The following CLPTM1L variants were observed in gnomAD, a reference collection of about 807,000 sequenced individuals.
CLPTM1L encodes lipid scramblase CLPTM1L.
In CLPTM1L, 38 loss-of-function variants were observed where a neutral mutation model predicts 70.9. That is an observed-to-expected ratio of 0.54 (90% CI 0.41 to 0.70). CLPTM1L has a LOEUF of 0.70. Among genes scored for constraint, CLPTM1L ranks in the 30% least tolerant of loss-of-function variants. The pLI, the probability that CLPTM1L is intolerant of heterozygous loss-of-function variation, is 0.00. For missense variants in CLPTM1L, 652 were observed against 705.9 expected (o/e 0.92, Z 0.87); for synonymous variants, 339 against 299.9 (o/e 1.13, Z -1.35).
intron 5 of CLPTM1L, among the ~76,000 whole-genome samples, chr5:1,336,347 G>C (rs569253095): frequency 1.3e-5 from 2 of 152,256 alleles, no homozygotes; most frequent in Non-Finnish European, 2.9e-5. Context: ...TGTGATTTGG[G>C]GGAAAAGCTG....
chr5:1,320,071 T>C (rs1228589888), intron 16 of CLPTM1L: 1 of 152,218 alleles, frequency 6.6e-6, no homozygotes, highest in Non-Finnish European at 1.5e-5. Flanking sequence ...TTTAGAAAAT[T>C]CCACAAAGCC....
chr5:1,326,318 CAG>C, intron 9 of CLPTM1L: 5 of 265,926 alleles, frequency 1.9e-5, no homozygotes, highest in East Asian at 1.2e-4. Context: ...TCCTCCTCTA[CAG>C]GGACATTCCA....
chr5:1,332,817 AT>A (rs1242631841), intron 7 of CLPTM1L, among the ~76,000 whole-genome samples: 1 of 152,206 alleles, frequency 6.6e-6, no homozygotes, highest in Non-Finnish European at 1.5e-5. Flanking sequence ...CCATTACATA[AT>A]ACATATATTC....
Position 1,344,723 on chromosome 5 carries a change from G to A in CLPTM1L, c.119C>T (p.Ala40Val), listed in dbSNP as rs1460639604. 13 of 1,594,150 alleles carry A rather than the reference G, an allele frequency of 8.2e-6. No homozygotes were observed. In the South Asian group the frequency reaches 1.1e-4, roughly 14 times the overall value. The change falls in exon 1 of 17, where the codon GCC becomes GTC. Residue 40 changes from alanine to valine, a missense_variant. Ala to Val is a moderately conservative substitution (Grantham distance 64). Transcript: ENST00000320895. ...IVYTRPCSGDANCIQPYLARR... is the reference protein window; with the variant it reads ...IVYTRPCSGDVNCIQPYLARR... ...CGCCAGGTAGGGCTGGATGCAGTTG[G>A]CGTCGCCGGAGCACGGGCGGGTGTA... is the stretch of plus-strand genomic sequence containing the variant.
intron 16 of CLPTM1L, among the ~76,000 whole-genome samples, chr5:1,319,714 A>G (rs1302832385): frequency 6.6e-6 from 1 of 152,004 alleles, no homozygotes; most frequent in Non-Finnish European, 1.5e-5. Flanking sequence ...TGGTCGGGGG[A>G]GGGAGATGGG....
intron 4 of CLPTM1L, 193 bp from the exon 5 acceptor site, chr5:1,338,175 T>A: frequency 1.6e-6 from 1 of 606,624 alleles, no homozygotes; most frequent in Admixed American, 2.7e-5. Context: ...TGCACGCTTG[T>A]GAGACCCGCT....
chr5:1,319,089 G>A (rs985348662), intron 16 of CLPTM1L, among the ~76,000 whole-genome samples: 23 of 152,268 alleles, frequency 1.5e-4, no homozygotes, highest in African/African-American at 5.1e-4. Flanking sequence ...TTTCAGGCAC[G>A]CCCCGGGCCA....
chr5:1,334,230 G>T (rs1305784812), intron 7 of CLPTM1L, 59 bp downstream of exon 7: 1 of 1,279,078 alleles, frequency 7.8e-7, no homozygotes, highest in Non-Finnish European at 1.1e-6. Flanking sequence ...CCTGCAGGAG[G>T]CCCGGGGCCC....
intron 3 of CLPTM1L, 32 bp from the exon 4 acceptor site, chr5:1,339,037 G>A (rs1412193217): frequency 1.9e-6 from 3 of 1,603,514 alleles, no homozygotes; most frequent in Non-Finnish European, 8.5e-7. Context: ...GGCCAATGCT[G>A]GGACAGAAAA....
At chr5:1,335,466 G>A (rs539808289) in intron 5 of CLPTM1L, among the ~76,000 whole-genome samples, 4 of 152,340 alleles carry the variant, frequency 2.6e-5, no homozygotes, top group Middle Eastern at 3.4e-3. Flanking sequence ...ATTTTAAGCC[G>A]CACAAGTCCT....
At chr5:1,324,998 C>T (rs1343788757) in intron 10 of CLPTM1L, 185 bp from the exon 11 acceptor site, 2 of 614,382 alleles carry the variant, frequency 3.3e-6, no homozygotes, top group African/African-American at 3.7e-5. Context: ...ATCCTTCCCG[C>T]CTCACCCTGG....
In CLPTM1L at chr5:1,338,969, C is replaced by A; in HGVS notation, c.490G>T (p.Asp164Tyr). The A allele has an allele frequency of 6.2e-7, 1 of 1,613,362 alleles. No homozygotes were observed. The change falls in exon 4 of 17, where the codon GAT becomes TAT. Residue 164 changes from aspartate to tyrosine, a missense_variant. By Grantham distance (160) the Asp-to-Tyr change is radical. This residue lies in a region of CLPTM1L where 402 missense variants were observed against 388.2 expected (regional missense o/e 1.04). Transcript: ENST00000320895. ...GGTCGCCAGTGGGACACTGGCTCAT[C>A]CAGGGCACTCGTCGGCTTCTTCTCC... ...EAEKKPTSAL[D>Y]EPVSHWRPRL...
chr5:1,342,503 G>A lies in CLPTM1L; in HGVS notation c.264-643C>T, dbSNP rs1021972978. Among the ~76,000 whole-genome samples the A allele has an allele frequency of 3.9e-5, 6 of 152,182 alleles. No homozygotes were observed. Among genetic ancestry groups the A allele is most frequent in the African/African-American group, 1.2e-4 (5 of 41,430 alleles). On this transcript the variant is annotated intron_variant, in intron 2 of 16. Coordinates refer to ENST00000320895, the MANE Select transcript of CLPTM1L (RefSeq NM_030782.5). This position sits in a 1 kb window ranked among gnomAD's most constrained non-coding sequence, Gnocchi z 4.3. ...GGACCAGGTGCCTGGCTCTTCACCC[G>A]CACACCAGGGCCCGACGTCCATACT...
Position 1,325,782 on chromosome 5 carries a change from A to G in CLPTM1L, c.1115T>C (p.Ile372Thr), listed in dbSNP as rs1406628335. The stretch of plus-strand genomic sequence containing the variant: ...TTCGGGCATCAGGCCTCTCCAAAAA[A>G]TAGTCATCTTCAATGCCTTCTTCAC... ...WKVKKALKMT[I>T]FWRGLMPEFQ... Residue 372 changes from isoleucine (I) to threonine (T), a missense_variant, in exon 10 of 17, where the codon ATT becomes ACT. This residue lies in a region of CLPTM1L where 240 missense variants were observed against 295.0 expected (regional missense o/e 0.81). Transcript: ENST00000320895. The G allele has an allele frequency of 1.7e-5, 27 of 1,613,938 alleles. No homozygotes were observed. Among genetic ancestry groups the G allele is most frequent in the Non-Finnish European group, 2.2e-5 (26 of 1,179,944 alleles).
chr5:1,322,287 G>A (rs572444453), intron 13 of CLPTM1L, among the ~76,000 whole-genome samples: 3 of 152,326 alleles, frequency 2.0e-5, no homozygotes, highest in Admixed American at 6.5e-5. Context: ...GATCAGGGCT[G>A]GTCTGGTGGG....
In CLPTM1L at chr5:1,342,298, C is replaced by T. The variant is rs977742145; in HGVS notation, c.264-438G>A. 4.6e-5 allele frequency among the ~76,000 whole-genome samples: 7 copies of T among 152,146 alleles called. No individual in the cohort carries two copies. The highest frequency in any genetic ancestry group is 2.1e-4 in the South Asian group (1 of 4,826). On this transcript the variant is annotated intron_variant, in intron 2 of 16. Transcript: ENST00000320895. The surrounding 1 kb of genome is among the most constrained non-coding windows in gnomAD (Gnocchi z 4.3). ...GCAGCCACGAGGGCTCCAGGTGCCT[C>T]GGCCCACACTACTGGAACCTCAGAA... is the stretch of plus-strand genomic sequence containing the variant.
Position 1,318,574 on chromosome 5 carries a change from A to G in CLPTM1L, c.1533-121T>C, listed in dbSNP as rs537159611. The G allele has an allele frequency of 5.2e-6, 4 of 776,580 alleles. No individual in the cohort carries two copies. Among genetic ancestry groups the G allele is most frequent in the Admixed American group, 2.4e-5 (1 of 40,868 alleles). The allele number at this position is 776,580 out of a possible 1,614,324, so 48.1% of individuals were successfully genotyped here. A position where few individuals can be genotyped will look rare whatever the true frequency, so the allele number is the denominator to read the frequency against. Reference sequence around the variant, plus strand: ...CTGCCACAGTGAGCAAATTAACTAAAAAGTCGAATCCTCAGAAGTTTTACT... The same window carrying G: ...CTGCCACAGTGAGCAAATTAACTAAGAAGTCGAATCCTCAGAAGTTTTACT... On this transcript the variant is annotated intron_variant, in intron 16 of 16. Coordinates refer to ENST00000320895, the MANE Select transcript of CLPTM1L (RefSeq NM_030782.5). This position sits in a 1 kb window ranked among gnomAD's most constrained non-coding sequence, Gnocchi z 8.9.
chr5:1,328,838 C>G (rs1752848927), intron 9 of CLPTM1L, among the ~76,000 whole-genome samples: 1 of 151,838 alleles, frequency 6.6e-6, no homozygotes, highest in Admixed American at 6.6e-5. Flanking sequence ...CATCCAGCTC[C>G]TCCTCTACAG....
intron 11 of CLPTM1L, among the ~76,000 whole-genome samples, chr5:1,324,407 C>T (rs1303678363): frequency 2.6e-5 from 4 of 152,258 alleles, no homozygotes; most frequent in Admixed American, 1.3e-4. Context: ...GGCCACTGTG[C>T]GGCCGCGGCC....
Sources: gnomAD v4.1 joint callset for allele counts (sites outside exome capture counted in the v4.1 genomes callset) on GRCh38, gnomAD v4.1.1 for gene constraint, gnomAD v4.1.1 regional missense constraint, Gnocchi (gnomAD v3.1) non-coding constraint, MANE v1.5 for transcripts, NCBI Gene and HGNC (gene_info 2026-07-23, HGNC 2026-07-21) for gene names.